The following XPR1 variants were observed in gnomAD, a reference collection of about 807,000 sequenced individuals.
The protein encoded by XPR1 is xenotropic and polytropic retrovirus receptor 1, also known as solute carrier family 53 member 1.
A neutral mutation model predicts 87.5 loss-of-function variants in XPR1; 28 were observed. The ratio of observed to expected loss-of-function variants is 0.32; its 90% CI spans 0.24 to 0.44. XPR1 has a LOEUF of 0.44. Ranked by LOEUF, XPR1 falls within the 20% of genes least tolerant of loss-of-function variation. XPR1 has a pLI of 1.00. For missense variants in XPR1, 559 were observed against 862.3 expected (o/e 0.65, Z 4.41); for synonymous variants, 300 against 306.1 (o/e 0.98, Z 0.21).
intron 7 of XPR1, among the ~76,000 whole-genome samples, chr1:180,814,072 T>A (rs1029735218): frequency 6.6e-6 from 1 of 152,220 alleles, no homozygotes; most frequent in Non-Finnish European, 1.5e-5. Context: ...AAGTTTATAG[T>A]AGATGTTCGA....
At chr1:180,855,125 G>T (rs951813963) in intron 11 of XPR1, among the ~76,000 whole-genome samples, 1 of 151,970 alleles carries the variant, frequency 6.6e-6, no homozygotes, top group Non-Finnish European at 1.5e-5. Flanking sequence ...TAATGGAAAA[G>T]ACAAATATAT....
chr1:180,703,409 T>G (rs548873526), intron 2 of XPR1, among the ~76,000 whole-genome samples: 2 of 152,088 alleles, frequency 1.3e-5, no homozygotes, highest in Non-Finnish European at 2.9e-5. Context: ...CGCATGCGGG[T>G]GCCAGCATCA....
chr1:180,767,015 A>T (rs570194201), intron 2 of XPR1, among the ~76,000 whole-genome samples: 1 of 152,294 alleles, frequency 6.6e-6, no homozygotes, highest in South Asian at 2.1e-4. Flanking sequence ...TCAAAAGACA[A>T]AAAGTAAATT....
rs140547072 is a variant in XPR1, at chr1:180,677,987, A to G, written c.70-4373A>G. ...GACTGCAGATTTGAGGATTCCCATG[A>G]TCCCCACCTCCAGGTTTGATAATTT... On this transcript the variant is annotated intron_variant, in intron 1 of 14. Transcript: ENST00000367590. Among the ~76,000 whole-genome samples, 293 of 152,328 alleles carry G rather than the reference A, an allele frequency of 1.9e-3. 1 individual carries two copies. The highest frequency in any genetic ancestry group is 6.7e-3 in the African/African-American group (277 of 41,568).
rs913084199 is a variant in XPR1, at chr1:180,887,596, A to C, written c.*3530A>C. 1.1e-4 allele frequency: 17 copies of C among 152,200 alleles called. No homozygotes were observed. Among genetic ancestry groups the C allele is most frequent in the African/African-American group, 4.1e-4 (17 of 41,442 alleles). 9.4% of individuals were successfully genotyped at this position (152,200 alleles called of 1,614,324 possible). On this transcript the variant is annotated 3_prime_UTR_variant, in exon 15 of 15. Coordinates refer to ENST00000367590, the MANE Select transcript of XPR1 (RefSeq NM_004736.4). ...GAAAGTAGTCAAAAACCCATGTGCA[A>C]CTTTTTTTCAGCACTCTACCATTAG... is the stretch of plus-strand genomic sequence containing the variant.
intron 3 of XPR1, among the ~76,000 whole-genome samples, chr1:180,793,621 A>AATC (rs1487206878): frequency 2.6e-5 from 4 of 152,102 alleles, no homozygotes; most frequent in African/African-American, 9.7e-5. Flanking sequence ...ATTACAGTAG[A>AATC]ATCAGTTACT....
intron 2 of XPR1, among the ~76,000 whole-genome samples, chr1:180,684,337 G>C (rs926121790): frequency 1.3e-5 from 2 of 152,028 alleles, no homozygotes; most frequent in Non-Finnish European, 2.9e-5. Flanking sequence ...TCTCTGTTTT[G>C]GTACCAGTAC....
chr1:180,802,193 T>TAA (rs57495794), intron 3 of XPR1, among the ~76,000 whole-genome samples: 1 of 145,076 alleles, frequency 6.9e-6, no homozygotes, highest in African/African-American at 2.5e-5. Context: ...GAAGAGTTAT[T>TAA]AAAAAAAAAA....
chr1:180,874,638 C>G (rs1571248760), intron 13 of XPR1, among the ~76,000 whole-genome samples: 1 of 151,650 alleles, frequency 6.6e-6, no homozygotes, highest in East Asian at 1.9e-4. Context: ...TGCAGTGAGC[C>G]AAGACTGCAC....
chr1:180,733,138 A>C (rs992902612), intron 2 of XPR1, among the ~76,000 whole-genome samples: 2 of 152,130 alleles, frequency 1.3e-5, no homozygotes, highest in African/African-American at 4.8e-5. Context: ...TCTGCCTGCT[A>C]CGGTCTTAGG....
At chr1:180,834,535 T>C (rs2102167010) in intron 9 of XPR1, among the ~76,000 whole-genome samples, 1 of 152,344 alleles carries the variant, frequency 6.6e-6, no homozygotes, top group Non-Finnish European at 1.5e-5. Context: ...TAAACGTGTA[T>C]ATTTTTAGAT....
intron 12 of XPR1, 126 bp from the exon 13 acceptor site, chr1:180,873,677 T>C: frequency 9.7e-7 from 1 of 1,034,958 alleles, no homozygotes; most frequent in Non-Finnish European, 1.4e-6. Context: ...AGTACAACTT[T>C]CCTCTTGAGC....
At chr1:180,853,522 T>C (rs1442920381) in intron 11 of XPR1, among the ~76,000 whole-genome samples, 1 of 152,116 alleles carries the variant, frequency 6.6e-6, no homozygotes, top group Non-Finnish European at 1.5e-5. Flanking sequence ...TTGACATCTT[T>C]GATTGTCTTT....
intron 2 of XPR1, among the ~76,000 whole-genome samples, chr1:180,760,300 A>G (rs762859828): frequency 1.2e-4 from 18 of 152,224 alleles, no homozygotes; most frequent in African/African-American, 3.6e-4. Flanking sequence ...AGGGTATTCA[A>G]TTAGGAAAAG....
At chr1:180,674,543 G>A (rs1317060524) in intron 1 of XPR1, among the ~76,000 whole-genome samples, 1 of 151,888 alleles carries the variant, frequency 6.6e-6, no homozygotes, top group East Asian at 1.9e-4. Flanking sequence ...ACAGGCGTGA[G>A]CCACTGCACC....
intron 11 of XPR1, among the ~76,000 whole-genome samples, chr1:180,839,877 T>C (rs1181746181): frequency 2.0e-5 from 3 of 152,220 alleles, no homozygotes; most frequent in African/African-American, 7.2e-5. Context: ...AGGTTTGTTA[T>C]GCATACCAAA....
rs146609908 is a variant in XPR1 at position 180,882,508 on chromosome 1, C to T, written c.2031-1498C>T. Among the ~76,000 whole-genome samples the T allele has an allele frequency of 1.0e-3, 154 of 152,186 alleles. 1 individual carries two copies. The Middle Eastern group carries it at 0.01, about 10-fold the overall frequency. ...AGTAGTTGGCACTACACGCCTGCAC[C>T]CCTCTGCCCAGCTAATTTTTTATTT... On this transcript the variant is annotated intron_variant, in intron 14 of 14. Transcript: ENST00000367590.
At chr1:180,694,970 A>G (rs1657114441) in intron 2 of XPR1, among the ~76,000 whole-genome samples, 1 of 152,074 alleles carries the variant, frequency 6.6e-6, no homozygotes, top group South Asian at 2.1e-4. Context: ...AGAAACCTCC[A>G]ATCTGTCGTT....
At position 180,888,882 on chromosome 1, in the gene XPR1, C is replaced by G. The variant is rs777334484; in HGVS notation, c.*4816C>G. ...CTGGTTGGTGTTACAAACCAATGATCTAACCAGCATACTCTCCAAATATGA... is the reference window on the plus strand; with the variant it reads ...CTGGTTGGTGTTACAAACCAATGATGTAACCAGCATACTCTCCAAATATGA... On this transcript the variant is annotated 3_prime_UTR_variant, in exon 15 of 15. Transcript: ENST00000367590. The G allele has an allele frequency of 6.6e-6, 1 of 152,176 alleles. No individual in the cohort carries two copies. The highest frequency in any genetic ancestry group is 1.5e-5 in the Non-Finnish European group (1 of 68,040). 9.4% of individuals were successfully genotyped at this position (152,176 alleles called of 1,614,324 possible).
Sources: allele counts gnomAD v4.1 joint callset (sites outside exome capture counted in the v4.1 genomes callset), GRCh38; gene constraint gnomAD v4.1.1; transcripts MANE v1.5; gene names NCBI Gene and HGNC (gene_info 2026-07-23, HGNC 2026-07-21).